STON2: variants seen among roughly 807,000 people sequenced by gnomAD.
STON2 encodes stonin 2.
Under a neutral mutation model 65.7 loss-of-function variants are expected in STON2, and 29 were observed. That is an observed-to-expected ratio of 0.44 (90% CI 0.33 to 0.60). The LOEUF (loss-of-function observed/expected upper bound fraction) is 0.60, where lower values mean the gene tolerates loss of function less well. Ranked by LOEUF, STON2 falls within the 20% of genes least tolerant of loss-of-function variation. The pLI is 0.03. For missense variants in STON2, 1,054 were observed against 1,118.1 expected, an observed-to-expected ratio of 0.94 and a Z score of 0.82; for synonymous variants, 404 against 414.2, an observed-to-expected ratio of 0.98 and a Z score of 0.30.
chr14:81,371,967 G>C (rs1899018090), intron 3 of STON2, among the ~76,000 whole-genome samples: 1 of 152,114 alleles, frequency 6.6e-6, no homozygotes, highest in Non-Finnish European at 1.5e-5. Flanking sequence ...CATGTATGTG[G>C]CATGCCCCTG....
chr14:81,400,725 A>G (rs757810488), upstream of STON2, among the ~76,000 whole-genome samples: 3 of 152,186 alleles, frequency 2.0e-5, no homozygotes, highest in Non-Finnish European at 2.9e-5. Context: ...GCCCAAGGAA[A>G]TCAGGCACAC....
At position 81,343,241 on chromosome 14, in the gene STON2, A is replaced by G. The variant is rs75739573; in HGVS notation, c.572-19054T>C. The stretch of plus-strand genomic sequence containing the variant: ...ATGCCAAAGTGAAAAATGCCCCCCA[A>G]TCCCAGCATCCTCTGTGGGAAAAGG... On this transcript the variant is annotated intron_variant, in intron 4 of 7. Coordinates refer to ENST00000614646, the MANE Select transcript of STON2 (RefSeq NM_001394390.1). Among the ~76,000 whole-genome samples, 313 of 152,292 alleles carry G rather than the reference A, an allele frequency of 2.1e-3. 2 individuals are homozygous for G. The highest frequency in any genetic ancestry group is 7.2e-3 in the African/African-American group (301 of 41,562).
At chr14:81,345,231 G>T (rs1449732318) in intron 4 of STON2, among the ~76,000 whole-genome samples, 1 of 152,192 alleles carries the variant, frequency 6.6e-6, no homozygotes, top group African/African-American at 2.4e-5. Context: ...CACAATACAT[G>T]TTAAATTCCT....
At chr14:81,435,177 T>G (rs769281438) in intron 1 of STON2, among the ~76,000 whole-genome samples, 5 of 152,234 alleles carry the variant, frequency 3.3e-5, no homozygotes, top group African/African-American at 4.8e-5. Context: ...CATTTATCTC[T>G]CTCACCATTC....
At chr14:81,285,615 C>T (rs1216391427) in intron 5 of STON2, among the ~76,000 whole-genome samples, 2 of 152,142 alleles carry the variant, frequency 1.3e-5, no homozygotes, top group Admixed American at 6.5e-5. Flanking sequence ...TGAGGAGTTG[C>T]ATCTTATGGA....
Position 81,263,843 on chromosome 14 carries a change from A to C in STON2, c.*4571T>G. ...AATATTCCCAAGGCTTTTAAGAAAA[A>C]ACTTCAGCTCATTCTGTTTTCCCAC... On this transcript the variant is annotated 3_prime_UTR_variant, in exon 8 of 8. Transcript: ENST00000614646. 1.0e-6 allele frequency: 1 copy of C among 985,440 alleles called. No individual in the cohort carries two copies. Among genetic ancestry groups the C allele is most frequent in the Non-Finnish European group, 1.2e-6 (1 of 829,942 alleles). 61.0% of individuals were successfully genotyped at this position (985,440 alleles called of 1,614,324 possible). A position where few individuals can be genotyped will look rare whatever the true frequency, so the allele number is the denominator to read the frequency against.
At chr14:81,292,110 G>A (rs1180067777) in intron 5 of STON2, among the ~76,000 whole-genome samples, 1 of 152,208 alleles carries the variant, frequency 6.6e-6, no homozygotes. Flanking sequence ...GGCTTTGCCT[G>A]TTGCTTGGAC....
At chr14:81,307,005 A>C (rs1896208626) in intron 5 of STON2, among the ~76,000 whole-genome samples, 1 of 152,214 alleles carries the variant, frequency 6.6e-6, no homozygotes, top group African/African-American at 2.4e-5. Context: ...CTAAAAGTCA[A>C]GTTGATCATG....
chr14:81,261,637 A>G lies in STON2; in HGVS notation c.*6777T>C. On this transcript the variant is annotated 3_prime_UTR_variant, in exon 8 of 8. Transcript: ENST00000614646. ...TGAGTGTCCTCCTTCAATTTTCACA[A>G]TATTTTATACAAAATGACAAATATA... 1.2e-6 allele frequency: 1 copy of G among 807,738 alleles called. No homozygotes were observed. The highest frequency in any genetic ancestry group is 1.7e-6 in the Non-Finnish European group (1 of 595,166). The allele number at this position is 807,738 out of a possible 1,614,324, so 50.0% of individuals were successfully genotyped here.
At chr14:81,355,144 A>T (rs1178306488) in intron 4 of STON2, among the ~76,000 whole-genome samples, 1 of 152,194 alleles carries the variant, frequency 6.6e-6, no homozygotes, top group African/African-American at 2.4e-5. Context: ...ACTTATGGAT[A>T]AGGCACCATC....
At position 81,262,398 on chromosome 14, in the gene STON2, G is replaced by A. The variant is rs1894185515; in HGVS notation, c.*6016C>T. Reference sequence around the variant, plus strand: ...CAGAGTAGACATTTGATAAATATTTGTTGAGTTGAATTAATCCTGCCATCT... The same window carrying A: ...CAGAGTAGACATTTGATAAATATTTATTGAGTTGAATTAATCCTGCCATCT... On this transcript the variant is annotated 3_prime_UTR_variant, in exon 8 of 8. Coordinates refer to ENST00000614646, the MANE Select transcript of STON2 (RefSeq NM_001394390.1). The A allele has an allele frequency of 5.1e-6, 5 of 985,098 alleles. No individual in the cohort carries two copies. Among genetic ancestry groups the A allele is most frequent in the Non-Finnish European group, 6.0e-6 (5 of 829,760 alleles). The allele number at this position is 985,098 out of a possible 1,614,324, so 61.0% of individuals were successfully genotyped here. A position where few individuals can be genotyped will look rare whatever the true frequency, so the allele number is the denominator to read the frequency against.
chr14:81,417,237 G>T (rs921515945), intron 2 of STON2, among the ~76,000 whole-genome samples: 1 of 152,078 alleles, frequency 6.6e-6, no homozygotes. Flanking sequence ...CAAAAACCAC[G>T]TTCTCTTATC....
chr14:81,289,958 A>G (rs986564327), intron 5 of STON2, among the ~76,000 whole-genome samples: 19 of 152,234 alleles, frequency 1.2e-4, no homozygotes, highest in Admixed American at 5.9e-4. Flanking sequence ...AAGTGGCCAA[A>G]TGAAATAAAC....
intron 2 of STON2, among the ~76,000 whole-genome samples, chr14:81,426,280 A>G (rs1436310957): frequency 6.6e-6 from 1 of 152,240 alleles, no homozygotes; most frequent in Non-Finnish European, 1.5e-5. Context: ...AACCACCCAA[A>G]GAAAATGCCA....
intron 3 of STON2, among the ~76,000 whole-genome samples, chr14:81,387,392 T>C (rs749765204): frequency 6.6e-6 from 1 of 152,194 alleles, no homozygotes; most frequent in Admixed American, 6.5e-5. Flanking sequence ...AGCTCACTTA[T>C]CAACATGGCC....
chr14:81,269,911 G>A (rs1275947152), intron 7 of STON2: 9 of 985,040 alleles, frequency 9.1e-6, no homozygotes, highest in Non-Finnish European at 8.4e-6. Context: ...TTTGAGTTTT[G>A]TCCTGTTATA....
intron 4 of STON2, among the ~76,000 whole-genome samples, chr14:81,344,559 A>G (rs1897741447): frequency 1.3e-5 from 2 of 152,200 alleles, no homozygotes; most frequent in Non-Finnish European, 2.9e-5. Flanking sequence ...ATTTGCTTAG[A>G]TAGCTGGGCT....
chr14:81,324,731 C>G (rs773814674), intron 4 of STON2, among the ~76,000 whole-genome samples: 1 of 152,174 alleles, frequency 6.6e-6, no homozygotes, highest in Non-Finnish European at 1.5e-5. Context: ...ATCTAGAAAT[C>G]AAGATTTTAG....
chr14:81,420,825 C>A (rs1369932057), intron 2 of STON2, among the ~76,000 whole-genome samples: 1 of 152,156 alleles, frequency 6.6e-6, no homozygotes, highest in Admixed American at 6.5e-5. Flanking sequence ...TAACCACTCA[C>A]GTTAACATGC....
Sources: allele counts gnomAD v4.1 joint callset (sites outside exome capture counted in the v4.1 genomes callset), GRCh38; gene constraint gnomAD v4.1.1; transcripts MANE v1.5; gene names NCBI Gene and HGNC (gene_info 2026-07-23, HGNC 2026-07-21).